Variants in USP34 observed in about 807,000 individuals in gnomAD.
USP34 encodes the protein ubiquitin specific peptidase 34.
Under a neutral mutation model 460.3 loss-of-function variants are expected in USP34, and 70 were observed. That is an observed-to-expected ratio of 0.15 (90% CI 0.13 to 0.19). The LOEUF is 0.19. USP34 is among the 10% of genes least tolerant of loss of function. The pLI is 1.00. For missense variants in USP34, 3,985 were observed against 4,236.2 expected (o/e 0.94, Z 1.65); for synonymous variants, 1,647 against 1,405.3 (o/e 1.17, Z -3.85).
rs57231258 is a variant in USP34, at chr2:61,229,457, T to TAA, written c.7199+89_7199+90dup. 8.0e-3 allele frequency: 3,036 copies of TAA among 380,026 alleles called. 58 individuals are homozygous for TAA. Among genetic ancestry groups the TAA allele is most frequent in the Non-Finnish European group, 8.6e-3 (2,169 of 250,952 alleles). 23.5% of individuals were successfully genotyped at this position (380,026 alleles called of 1,614,324 possible). A position where few individuals can be genotyped will look rare whatever the true frequency, so the allele number is the denominator to read the frequency against. The stretch of plus-strand genomic sequence containing the variant: ...GGCAACATGAAGAAACCCTATCTCT[T>TAA]AAAAAAAAAAAAAAAAAACAAAAAA... On this transcript the variant is annotated intron_variant, in intron 59 of 79. Coordinates refer to ENST00000398571, the MANE Select transcript of USP34 (RefSeq NM_014709.4).
chr2:61,469,456 C>A (rs548092165), intron 1 of USP34, among the ~76,000 whole-genome samples: 1 of 152,152 alleles, frequency 6.6e-6, no homozygotes, highest in African/African-American at 2.4e-5. Context: ...TAGGGTGACA[C>A]AAATACTGGA....
chr2:61,220,140 G>A lies in USP34; in HGVS notation c.8047+170C>T, dbSNP rs180958180. The A allele has an allele frequency of 6.3e-4, 300 of 473,726 alleles. 1 individual carries two copies. The highest frequency in any genetic ancestry group is 8.5e-4 in the Non-Finnish European group (268 of 316,068). 29.3% of individuals were successfully genotyped at this position (473,726 alleles called of 1,614,324 possible). A position where few individuals can be genotyped will look rare whatever the true frequency, so the allele number is the denominator to read the frequency against. On this transcript the variant is annotated intron_variant, in intron 67 of 79. Transcript: ENST00000398571. The stretch of plus-strand genomic sequence containing the variant: ...ATGATGTTACCCAAGAAATAACATG[G>A]TTTCCTATCCTAAAAAAAAAAAAAA...
intron 4 of USP34, 78 bp from the exon 5 acceptor site, chr2:61,395,080 G>A (rs370507545): frequency 6.8e-7 from 1 of 1,465,958 alleles, no homozygotes. Context: ...GAAAGATACT[G>A]ATGAGAAACT....
intron 3 of USP34, among the ~76,000 whole-genome samples, chr2:61,400,962 C>T (rs890203020): frequency 2.0e-5 from 3 of 151,750 alleles, no homozygotes; most frequent in African/African-American, 7.3e-5. Context: ...CCATCCTGGC[C>T]AACATGGTGA....
intron 5 of USP34, 146 bp downstream of exon 5, chr2:61,394,707 A>G (rs1693463490): frequency 3.8e-6 from 2 of 531,062 alleles, no homozygotes; most frequent in Admixed American, 4.2e-5. Context: ...AAGATCGTTA[A>G]AACGTTTCTG....
chr2:61,301,157 C>T lies in USP34; in HGVS notation c.3922G>A (p.Val1308Ile), dbSNP rs1427846565. Residue 1308 changes from valine to isoleucine, a missense_variant, in exon 29 of 80, where the codon GTA (valine) becomes ATA (isoleucine). By Grantham distance (29) the Val-to-Ile change is conservative (BLOSUM62 3). Transcript: ENST00000398571. ...CTTGGTGCACCCAAAGATACAAATA[C>T]CATCTATAAAAAACAGGAAAAAAAA... The part of the protein sequence containing the change: ...HELGFKDMQM[V>I]FVSLGAPRRE... 2.5e-6 allele frequency: 4 copies of T among 1,576,860 alleles called. No individual in the cohort carries two copies. In the Admixed American group the frequency reaches 5.9e-5, roughly 23 times the overall value.
At position 61,221,728 on chromosome 2, in the gene USP34, C is replaced by T. The variant is rs569856047; in HGVS notation, c.7795-122G>A. ...TCTGTGTTAGGGAAGGAGAGCTCAG[C>T]CAGTACTTCTGCATGTGAACCTGAA... is the stretch of plus-strand genomic sequence containing the variant. On this transcript the variant is annotated intron_variant, in intron 65 of 79. Coordinates refer to ENST00000398571, the MANE Select transcript of USP34 (RefSeq NM_014709.4). 6.1e-5 allele frequency: 52 copies of T among 846,920 alleles called. 1 individual carries two copies. In the South Asian group the frequency reaches 1.3e-3, roughly 21 times the overall value. The allele number at this position is 846,920 out of a possible 1,614,324, so 52.5% of individuals were successfully genotyped here.
chr2:61,407,406 C>T (rs1693907538), intron 2 of USP34, among the ~76,000 whole-genome samples: 1 of 152,160 alleles, frequency 6.6e-6, no homozygotes, highest in African/African-American at 2.4e-5. Flanking sequence ...GCAATTAATA[C>T]ATACGCAAGT....
intron 57 of USP34, 27 bp downstream of exon 57, chr2:61,235,818 G>T (rs760278928): frequency 1.9e-6 from 3 of 1,598,152 alleles, no homozygotes; most frequent in African/African-American, 2.7e-5. Flanking sequence ...CTTAAACTAT[G>T]CATTAGTTGT....
chr2:61,339,689 GAAAAA>G lies in USP34; in HGVS notation c.2501-13_2501-9del. 1.1e-5 allele frequency: 11 copies of G among 1,001,462 alleles called. No individual in the cohort carries two copies. Among genetic ancestry groups the G allele is most frequent in the South Asian group, 5.8e-5 (2 of 34,598 alleles). The allele number at this position is 1,001,462 out of a possible 1,614,324, so 62.0% of individuals were successfully genotyped here. A position where few individuals can be genotyped will look rare whatever the true frequency, so the allele number is the denominator to read the frequency against. On this transcript the variant is annotated splice_polypyrimidine_tract_variant and intron_variant, in intron 16 of 79. Transcript: ENST00000398571. ...GTTTATGAACTACAGGTCCTGAAGA[GAAAAA>G]AAAAAAAAAGACACACTATAGAGAA...
intron 53 of USP34, among the ~76,000 whole-genome samples, chr2:61,240,716 G>C (rs976256938): frequency 6.6e-6 from 1 of 151,894 alleles, no homozygotes; most frequent in African/African-American, 2.4e-5. Context: ...TGGGATTACA[G>C]GTGCCCACCA....
chr2:61,300,423 G>A (rs990845179), intron 29 of USP34, among the ~76,000 whole-genome samples: 4 of 150,410 alleles, frequency 2.7e-5, no homozygotes, highest in Admixed American at 6.6e-5. Flanking sequence ...TCCTGACCTC[G>A]TGATCTGCCC....
At chr2:61,309,434 G>A (rs1018288446) in intron 27 of USP34, among the ~76,000 whole-genome samples, 3 of 152,178 alleles carry the variant, frequency 2.0e-5, no homozygotes, top group Non-Finnish European at 2.9e-5. Context: ...AATCACTGCT[G>A]TGCACCAAAT....
At chr2:61,392,621 C>G (rs1693385387) in intron 5 of USP34, among the ~76,000 whole-genome samples, 2 of 151,684 alleles carry the variant, frequency 1.3e-5, no homozygotes, top group African/African-American at 2.4e-5. Flanking sequence ...GAGACTCTGT[C>G]TCAAAAAAAC....
chr2:61,327,938 T>C (rs1691144063), intron 20 of USP34, among the ~76,000 whole-genome samples: 1 of 152,220 alleles, frequency 6.6e-6, no homozygotes, highest in Admixed American at 6.5e-5. Context: ...AAAATCTCTT[T>C]GTAGCCTCCA....
intron 5 of USP34, among the ~76,000 whole-genome samples, chr2:61,393,946 G>A (rs1170149628): frequency 6.6e-6 from 1 of 151,960 alleles, no homozygotes; most frequent in African/African-American, 2.4e-5. Context: ...GACCAGCCTG[G>A]CCAACATGTA....
At chr2:61,437,511 T>G (rs1230583159) in intron 1 of USP34, among the ~76,000 whole-genome samples, 1 of 152,054 alleles carries the variant, frequency 6.6e-6, no homozygotes, top group Non-Finnish European at 1.5e-5. Flanking sequence ...CGGTGGCTCA[T>G]GCCTGTAATC....
chr2:61,228,586 G>A (rs1198649550), intron 61 of USP34, 59 bp downstream of exon 61: 18 of 1,505,398 alleles, frequency 1.2e-5, no homozygotes, highest in South Asian at 2.4e-5. Context: ...GACTTCGCAC[G>A]ATGCAAACTA....
intron 1 of USP34, among the ~76,000 whole-genome samples, chr2:61,421,837 A>G (rs1694370165): frequency 6.6e-6 from 1 of 152,154 alleles, no homozygotes; most frequent in African/African-American, 2.4e-5. Context: ...GACTACATAC[A>G]CAATGTTGAG....
Sources: gnomAD v4.1 joint callset for allele counts (sites outside exome capture counted in the v4.1 genomes callset) on GRCh38, gnomAD v4.1.1 for gene constraint, MANE v1.5 for transcripts, NCBI Gene and HGNC (gene_info 2026-07-23, HGNC 2026-07-21) for gene names.